The following ARRB1 variants were observed in gnomAD, a reference collection of about 807,000 sequenced individuals.
The protein encoded by ARRB1 is beta-arrestin-1.
ARRB1 carries 21 observed loss-of-function variants against 56.8 expected under a neutral mutation model. The observed-to-expected ratio is 0.37, with a 90% confidence interval of 0.26 to 0.53. The LOEUF is 0.53. ARRB1 is among the 20% of genes least tolerant of loss of function. The pLI is 0.88. For missense variants in ARRB1, 424 were observed against 553.7 expected (o/e 0.77, Z 2.35); for synonymous variants, 210 against 218.6 (o/e 0.96, Z 0.35).
chr11:75,283,536 C>A, intron 4 of ARRB1, 53 bp from the exon 5 acceptor site: 2 of 1,509,986 alleles, frequency 1.3e-6, no homozygotes, highest in East Asian at 2.4e-5. Context: ...GCAAGCGAGC[C>A]CCCCAGAGTG....
intron 1 of ARRB1, among the ~76,000 whole-genome samples, chr11:75,295,434 A>G (rs1253956868): frequency 4.6e-5 from 7 of 151,914 alleles, no homozygotes; most frequent in Admixed American, 3.9e-4. Flanking sequence ...CCCTGCTTCT[A>G]TCTTCAAAGG....
At chr11:75,348,366 G>A (rs1476524526) in intron 1 of ARRB1, among the ~76,000 whole-genome samples, 2 of 152,110 alleles carry the variant, frequency 1.3e-5, no homozygotes, top group African/African-American at 4.8e-5. Context: ...GCCTGGGCCT[G>A]GGTTGGGGAC....
chr11:75,296,444 G>C (rs1232410951), intron 1 of ARRB1, among the ~76,000 whole-genome samples: 1 of 152,082 alleles, frequency 6.6e-6, no homozygotes, highest in East Asian at 1.9e-4. Flanking sequence ...CCATGAACCA[G>C]AATGTCAGTT....
intron 1 of ARRB1, among the ~76,000 whole-genome samples, chr11:75,351,202 C>T (rs1265952805): frequency 6.6e-6 from 1 of 152,194 alleles, no homozygotes; most frequent in African/African-American, 2.4e-5. Context: ...TGACGGCGTG[C>T]CACTGCGTGT....
rs1317214285 is a variant in ARRB1, at chr11:75,295,177, GTGCCAC to G, written c.21-5144_21-5139del. On this transcript the variant is annotated intron_variant, in intron 1 of 15. Coordinates refer to ENST00000420843, the MANE Select transcript of ARRB1 (RefSeq NM_004041.5). ...GTGGAGGTTGCAGTGAGTCAAGATT[GTGCCAC>G]TGCACTTGAGCCTGGGTGACAGAGT... is the stretch of plus-strand genomic sequence containing the variant. Among the ~76,000 whole-genome samples, 106 of 135,446 alleles carry G rather than the reference GTGCCAC, an allele frequency of 7.8e-4. 2 individuals are homozygous for G. The highest frequency in any genetic ancestry group is 2.9e-3 in the African/African-American group (104 of 36,264). The allele number at this position is 135,446 out of a possible 152,430, so 88.9% of individuals were successfully genotyped here. A position where few individuals can be genotyped will look rare whatever the true frequency, so the allele number is the denominator to read the frequency against.
intron 1 of ARRB1, among the ~76,000 whole-genome samples, chr11:75,326,390 T>C (rs1947433517): frequency 6.6e-6 from 1 of 152,212 alleles, no homozygotes; most frequent in Non-Finnish European, 1.5e-5. Flanking sequence ...GCCAAGCACT[T>C]TACAAATATT....
intron 13 of ARRB1, 166 bp from the exon 14 acceptor site, chr11:75,269,125 G>T: frequency 1.3e-6 from 1 of 770,190 alleles, no homozygotes; most frequent in Non-Finnish European, 2.3e-6. Flanking sequence ...GCCTCGGTCT[G>T]CCTGGGAGCT....
intron 1 of ARRB1, among the ~76,000 whole-genome samples, chr11:75,310,293 C>T (rs891693532): frequency 3.3e-5 from 5 of 152,152 alleles, no homozygotes; most frequent in East Asian, 1.9e-4. Context: ...CGTCTGTATG[C>T]GCCTGGCATG....
chr11:75,269,137 G>A, intron 13 of ARRB1, 178 bp from the exon 14 acceptor site: 1 of 747,556 alleles, frequency 1.3e-6, no homozygotes. Context: ...CTGGGAGCTG[G>A]ACGAGGAGAC....
intron 3 of ARRB1, among the ~76,000 whole-genome samples, chr11:75,286,255 C>CTTTTTTTTTTTTTTTTTTTTTTT (rs60988072): frequency 5.2e-5 from 2 of 38,678 alleles, no homozygotes; most frequent in African/African-American, 2.2e-4. Flanking sequence ...ATTTGCTCAT[C>CTTTTTTTTTTTTTTTTTTTTTTT]TTTTTTTTTT....
intron 1 of ARRB1, among the ~76,000 whole-genome samples, chr11:75,330,339 T>C (rs903653021): frequency 6.6e-6 from 1 of 152,132 alleles, no homozygotes; most frequent in South Asian, 2.1e-4. Flanking sequence ...GGAAAAGCTG[T>C]TGAAGGAAAG....
At chr11:75,338,873 C>G (rs1947653163) in intron 1 of ARRB1, among the ~76,000 whole-genome samples, 1 of 152,130 alleles carries the variant, frequency 6.6e-6, no homozygotes, top group African/African-American at 2.4e-5. Context: ...CAATAGAGAC[C>G]CATCATAACA....
At chr11:75,346,905 A>G (rs1422929746) in intron 1 of ARRB1, among the ~76,000 whole-genome samples, 1 of 152,176 alleles carries the variant, frequency 6.6e-6, no homozygotes, top group East Asian at 1.9e-4. Flanking sequence ...CGTCCAGCCT[A>G]TAACAGACTG....
At chr11:75,274,987 G>A (rs1946162930) in intron 10 of ARRB1, 1 of 151,618 alleles carries the variant, frequency 6.6e-6, no homozygotes, top group Admixed American at 6.6e-5. Flanking sequence ...TGTAGTCCTA[G>A]CTACTTGGGA....
At chr11:75,271,790 G>C in intron 12 of ARRB1, 66 bp from the exon 13 acceptor site, 3 of 1,506,020 alleles carry the variant, frequency 2.0e-6, no homozygotes, top group Non-Finnish European at 2.7e-6. Context: ...AAAACAAAAA[G>C]CACATTCATT....
At chr11:75,271,650 C>G (rs1946075518) in intron 13 of ARRB1, 51 bp downstream of exon 13, 1 of 1,540,604 alleles carries the variant, frequency 6.5e-7, no homozygotes, top group Admixed American at 2.0e-5. Flanking sequence ...AGCCAATGGG[C>G]TCCAGGCCCT....
At chr11:75,336,771 C>T (rs1441371331) in intron 1 of ARRB1, among the ~76,000 whole-genome samples, 6 of 152,144 alleles carry the variant, frequency 3.9e-5, no homozygotes, top group Admixed American at 3.9e-4. Context: ...AATGAGAAAC[C>T]ACTGTCAAAG....
At chr11:75,273,647 G>A (rs1017961683) in intron 11 of ARRB1, among the ~76,000 whole-genome samples, 1 of 152,080 alleles carries the variant, frequency 6.6e-6, no homozygotes, top group Admixed American at 6.5e-5. Context: ...CACGATGACT[G>A]TGCAGCAGGA....
chr11:75,278,450 C>A (rs1946248833), intron 8 of ARRB1, among the ~76,000 whole-genome samples, 159 bp downstream of exon 8: 1 of 152,230 alleles, frequency 6.6e-6, no homozygotes, highest in African/African-American at 2.4e-5. Context: ...TTCTCCAAAT[C>A]CCCCATGAGA....
Sources: allele counts gnomAD v4.1 joint callset (sites outside exome capture counted in the v4.1 genomes callset), GRCh38; gene constraint gnomAD v4.1.1; transcripts MANE v1.5; gene names NCBI Gene and HGNC (gene_info 2026-07-23, HGNC 2026-07-21).